Variants in KCND2 observed in about 807,000 individuals in gnomAD.
The protein encoded by KCND2 is potassium voltage-gated channel subfamily D member 2.
Under a neutral mutation model 54.4 loss-of-function variants are expected in KCND2, and 16 were observed. The ratio of observed to expected loss-of-function variants is 0.29; its 90% CI spans 0.20 to 0.45. KCND2 has a LOEUF of 0.45. Ranked by LOEUF, KCND2 falls within the 20% of genes least tolerant of loss-of-function variation. KCND2 has a pLI of 1.00. For synonymous variants in KCND2, 317 were observed against 310.7 expected, an observed-to-expected ratio of 1.02 and a Z score of -0.21; for missense variants, 486 against 824.2, an observed-to-expected ratio of 0.59 and a Z score of 5.02.
chr7:120,340,113 AG>A (rs1464293647), intron 1 of KCND2, among the ~76,000 whole-genome samples: 1 of 152,226 alleles, frequency 6.6e-6, no homozygotes, highest in Non-Finnish European at 1.5e-5. Flanking sequence ...TTAGAGCAGA[AG>A]AGAGACTTAC....
rs570273172 is a variant in KCND2, at chr7:120,345,429, T to C, written c.1115+69682T>C. On this transcript the variant is annotated intron_variant, in intron 1 of 5. Transcript: ENST00000331113. The stretch of plus-strand genomic sequence containing the variant: ...TGGTAACATCTATGTAGCATAAAAT[T>C]TACTACCTTAACCAGTTTAAAGTTA... Among the ~76,000 whole-genome samples the C allele has an allele frequency of 4.1e-4, 63 of 152,304 alleles. No individual in the cohort carries two copies. The South Asian group carries it at 0.013, about 31-fold the overall frequency.
intron 1 of KCND2, among the ~76,000 whole-genome samples, chr7:120,509,548 A>C (rs912890095): frequency 1.3e-5 from 2 of 152,126 alleles, no homozygotes; most frequent in Non-Finnish European, 2.9e-5. Context: ...CACAGAGCTC[A>C]AGTTTCTTAC....
intron 1 of KCND2, among the ~76,000 whole-genome samples, chr7:120,456,374 A>G (rs2116228935): frequency 6.6e-6 from 1 of 152,306 alleles, no homozygotes; most frequent in African/African-American, 2.4e-5. Context: ...ATGGCTGTCA[A>G]GGTATGTTCT....
intron 1 of KCND2, among the ~76,000 whole-genome samples, chr7:120,404,417 TTTA>T (rs1264568800): frequency 6.6e-6 from 1 of 152,228 alleles, no homozygotes; most frequent in East Asian, 1.9e-4. Context: ...GTCACATTTC[TTTA>T]TTTTTACAAA....
intron 1 of KCND2, among the ~76,000 whole-genome samples, chr7:120,695,682 G>A (rs1021206410): frequency 2.6e-5 from 4 of 152,194 alleles, no homozygotes; most frequent in African/African-American, 9.6e-5. Context: ...TGATGATGAT[G>A]ACAGCGGAAA....
At chr7:120,747,118 C>G (rs757738586) in intron 5 of KCND2, among the ~76,000 whole-genome samples, 1 of 152,028 alleles carries the variant, frequency 6.6e-6, no homozygotes, top group Non-Finnish European at 1.5e-5. Context: ...CCCTTTTATC[C>G]CCTTCCCCAC....
intron 1 of KCND2, among the ~76,000 whole-genome samples, chr7:120,455,597 G>A (rs773733676): frequency 1.5e-4 from 23 of 152,050 alleles, no homozygotes; most frequent in Non-Finnish European, 3.4e-4. Context: ...TCTCATCAAT[G>A]GTATACTGGA....
At chr7:120,285,432 A>G (rs909260881) in intron 1 of KCND2, among the ~76,000 whole-genome samples, 2 of 151,928 alleles carry the variant, frequency 1.3e-5, no homozygotes, top group Non-Finnish European at 2.9e-5. Flanking sequence ...TTTTGTTCAT[A>G]TTGTCTATTT....
chr7:120,663,741 G>A (rs970104768), intron 1 of KCND2, among the ~76,000 whole-genome samples: 13 of 152,096 alleles, frequency 8.5e-5, no homozygotes, highest in African/African-American at 2.4e-4. Context: ...ACTATGTCAT[G>A]GATACAATTC....
intron 1 of KCND2, among the ~76,000 whole-genome samples, chr7:120,592,151 C>T (rs1792679949): frequency 6.6e-6 from 1 of 152,148 alleles, no homozygotes; most frequent in South Asian, 2.1e-4. Flanking sequence ...TGTTTAGTCA[C>T]CAAGTGCAGG....
intron 1 of KCND2, among the ~76,000 whole-genome samples, chr7:120,677,446 G>A (rs990379294): frequency 6.6e-6 from 1 of 151,752 alleles, no homozygotes; most frequent in Non-Finnish European, 1.5e-5. Flanking sequence ...TAGTCTTTGT[G>A]AAATAGTTGA....
At chr7:120,484,734 A>C (rs913759982) in intron 1 of KCND2, among the ~76,000 whole-genome samples, 2 of 144,968 alleles carry the variant, frequency 1.4e-5, no homozygotes, top group Non-Finnish European at 3.1e-5. Context: ...CACACACACA[A>C]AGAATTTCTT....
At chr7:120,281,020 T>A (rs1396110794) in intron 1 of KCND2, among the ~76,000 whole-genome samples, 1 of 152,146 alleles carries the variant, frequency 6.6e-6, no homozygotes, top group Admixed American at 6.6e-5. Context: ...CAACCTTGTA[T>A]TCTCATCCAG....
At chr7:120,321,216 CATA>C (rs1201317372) in intron 1 of KCND2, among the ~76,000 whole-genome samples, 1 of 152,114 alleles carries the variant, frequency 6.6e-6, no homozygotes, top group African/African-American at 2.4e-5. Flanking sequence ...AACTAATAAT[CATA>C]ATAACTTGTG....
chr7:120,401,825 C>T (rs1238312394), intron 1 of KCND2, among the ~76,000 whole-genome samples: 1 of 152,090 alleles, frequency 6.6e-6, no homozygotes, highest in Non-Finnish European at 1.5e-5. Flanking sequence ...GAGTCTAAGA[C>T]TTATTTTTCT....
chr7:120,310,966 A>G (rs909521200), intron 1 of KCND2, among the ~76,000 whole-genome samples: 4 of 151,636 alleles, frequency 2.6e-5, no homozygotes, highest in Non-Finnish European at 4.4e-5. Flanking sequence ...AAAGAAAAGA[A>G]AACTCTGTAT....
intron 1 of KCND2, among the ~76,000 whole-genome samples, chr7:120,680,426 A>G (rs1465223441): frequency 6.6e-6 from 1 of 152,160 alleles, no homozygotes; most frequent in South Asian, 2.1e-4. Flanking sequence ...CAACTGTTTC[A>G]TCGCCGTATA....
At chr7:120,727,850 G>T (rs1792753457) in intron 1 of KCND2, among the ~76,000 whole-genome samples, 1 of 151,896 alleles carries the variant, frequency 6.6e-6, no homozygotes, top group East Asian at 1.9e-4. Context: ...GAAAGAGTAT[G>T]GGGGGCCGGG....
chr7:120,389,489 C>T (rs1801041997), intron 1 of KCND2, among the ~76,000 whole-genome samples: 1 of 151,764 alleles, frequency 6.6e-6, no homozygotes, highest in African/African-American at 2.4e-5. Context: ...TATACATCTG[C>T]AACTTTATTC....
Sources: allele counts gnomAD v4.1 joint callset (sites outside exome capture counted in the v4.1 genomes callset), GRCh38; gene constraint gnomAD v4.1.1; transcripts MANE v1.5; gene names NCBI Gene and HGNC (gene_info 2026-07-23, HGNC 2026-07-21).